The following DENND5B variants were observed in gnomAD, a reference collection of about 807,000 sequenced individuals.
DENND5B encodes the protein DENN domain containing 5B.
In DENND5B, 34 loss-of-function variants were observed where a neutral mutation model predicts 140.6. That is an observed-to-expected ratio of 0.24 (90% confidence interval 0.18 to 0.32). DENND5B has a LOEUF of 0.32. Ranked by LOEUF, DENND5B falls within the 10% of genes least tolerant of loss-of-function variation. The pLI, the probability that DENND5B is intolerant of heterozygous loss-of-function variation, is 1.00. For missense variants in DENND5B, 1,142 were observed against 1,560.2 expected (o/e 0.73, Z 4.52); for synonymous variants, 551 against 562.1 (o/e 0.98, Z 0.28).
rs1593040235 is a variant in DENND5B, at chr12:31,392,769, T to C, written c.3257-73A>G. The C allele has an allele frequency of 2.3e-5, 31 of 1,377,482 alleles. No homozygotes were observed. The East Asian group carries it at 7.8e-4, about 35-fold the overall frequency. 85.3% of individuals were successfully genotyped at this position (1,377,482 alleles called of 1,614,324 possible). ...CCAAAGTACTATGGGACATCAACTG[T>C]GTCCACCTAGGCAGGAAATACGTCA... is the stretch of plus-strand genomic sequence containing the variant. On this transcript the variant is annotated intron_variant, in intron 17 of 20. Transcript: ENST00000389082.
chr12:31,590,512 A>G, intron 1 of DENND5B, 194 bp downstream of exon 1: 1 of 659,328 alleles, frequency 1.5e-6, no homozygotes, highest in Non-Finnish European at 2.2e-6. Context: ...CGGTGGGCGC[A>G]GCCGCAAAGC....
At chr12:31,504,684 G>C (rs536733920) in intron 1 of DENND5B, among the ~76,000 whole-genome samples, 105 of 152,220 alleles carry the variant, frequency 6.9e-4, no homozygotes, top group Non-Finnish European at 1.3e-3. Context: ...TGTGACCAGA[G>C]ACTTTCTCCA....
chr12:31,449,730 A>ATTTTTTTTTTTTT (rs1565589504), intron 5 of DENND5B, among the ~76,000 whole-genome samples: 1 of 24,402 alleles, frequency 4.1e-5, no homozygotes, highest in Non-Finnish European at 1.4e-4. Context: ...TACACAGATT[A>ATTTTTTTTTTTTT]GTTTTTTTTT....
chr12:31,585,337 A>G (rs996351273), intron 1 of DENND5B, among the ~76,000 whole-genome samples: 1 of 152,216 alleles, frequency 6.6e-6, no homozygotes, highest in Non-Finnish European at 1.5e-5. Context: ...ATTGTGAGCC[A>G]AGGATGTCAA....
intron 3 of DENND5B, among the ~76,000 whole-genome samples, chr12:31,462,890 C>T (rs1261209458): frequency 2.0e-5 from 3 of 151,918 alleles, no homozygotes; most frequent in East Asian, 1.9e-4. Context: ...ACCCAGGAGG[C>T]GGAGGTTGCA....
At chr12:31,442,558 T>G (rs1473638226) in intron 7 of DENND5B, among the ~76,000 whole-genome samples, 1 of 151,832 alleles carries the variant, frequency 6.6e-6, no homozygotes, top group Non-Finnish European at 1.5e-5. Context: ...GAAAAAAAAA[T>G]CTCTAGCCTT....
chr12:31,476,631 T>A (rs1262448001), intron 3 of DENND5B, among the ~76,000 whole-genome samples: 1 of 152,120 alleles, frequency 6.6e-6, no homozygotes, highest in East Asian at 1.9e-4. Context: ...ACCAATACTC[T>A]AAACCAGGCA....
chr12:31,449,663 G>A (rs552835980), intron 5 of DENND5B, among the ~76,000 whole-genome samples: 14 of 151,282 alleles, frequency 9.3e-5, no homozygotes, highest in Middle Eastern at 7.0e-3. Flanking sequence ...AAGGAAGGAA[G>A]TATCAGGGCT....
In DENND5B at chr12:31,471,498, G is replaced by A. The variant is rs138383672; in HGVS notation, c.904+8091C>T. Among the ~76,000 whole-genome samples, 600 of 111,222 alleles carry A rather than the reference G, an allele frequency of 5.4e-3. 5 individuals carry two copies. Among genetic ancestry groups the A allele is most frequent in the African/African-American group, 0.02 (542 of 27,696 alleles). 73.0% of individuals were successfully genotyped at this position (111,222 alleles called of 152,430 possible). ...TTTTTTTTTGTAGAGACAGGGTTTC[G>A]TGATGTTGGCCAGGCTGGTCTCACA... On this transcript the variant is annotated intron_variant, in intron 3 of 20. Coordinates refer to ENST00000389082, the MANE Select transcript of DENND5B (RefSeq NM_144973.4).
chr12:31,569,122 A>AGTG (rs1230508488), intron 1 of DENND5B, among the ~76,000 whole-genome samples: 1 of 139,964 alleles, frequency 7.1e-6, no homozygotes, highest in African/African-American at 2.8e-5. Context: ...GCTGGAGTAC[A>AGTG]GTGGTGAAAT....
chr12:31,538,827 C>A (rs1592005900), intron 1 of DENND5B, among the ~76,000 whole-genome samples: 1 of 152,160 alleles, frequency 6.6e-6, no homozygotes. Flanking sequence ...CGAGATTGTG[C>A]CACTGCACTC....
chr12:31,407,424 C>T (rs1043068611), intron 14 of DENND5B, among the ~76,000 whole-genome samples: 8 of 152,112 alleles, frequency 5.3e-5, no homozygotes, highest in Admixed American at 2.6e-4. Flanking sequence ...CCACCGCGCC[C>T]GGCCCAATTT....
At chr12:31,578,842 T>C (rs1376825013) in intron 1 of DENND5B, among the ~76,000 whole-genome samples, 1 of 152,202 alleles carries the variant, frequency 6.6e-6, no homozygotes, top group East Asian at 1.9e-4. Context: ...AGCTATGGCC[T>C]TTCCTGTCTT....
chr12:31,590,521 G>T, intron 1 of DENND5B, 185 bp downstream of exon 1: 2 of 721,680 alleles, frequency 2.8e-6, no homozygotes, highest in Non-Finnish European at 4.0e-6. Context: ...CAGCCGCAAA[G>T]CCCGCACGCG....
intron 3 of DENND5B, among the ~76,000 whole-genome samples, chr12:31,469,335 A>G: frequency 8.1e-6 from 1 of 124,132 alleles, no homozygotes; most frequent in Non-Finnish European, 1.7e-5. Context: ...TCCATCTCAA[A>G]AAAAAAAAAA....
intron 1 of DENND5B, among the ~76,000 whole-genome samples, chr12:31,533,690 T>A (rs569385145): frequency 1.3e-5 from 2 of 152,288 alleles, no homozygotes; most frequent in Admixed American, 1.3e-4. Flanking sequence ...AATGTAGTTG[T>A]ATGCATGTCT....
chr12:31,489,616 A>T (rs894922230), intron 2 of DENND5B, among the ~76,000 whole-genome samples: 1 of 152,232 alleles, frequency 6.6e-6, no homozygotes, highest in Non-Finnish European at 1.5e-5. Context: ...AACATCTACT[A>T]TGCGCAAAGC....
At chr12:31,566,825 A>G (rs1384555077) in intron 1 of DENND5B, among the ~76,000 whole-genome samples, 2 of 152,222 alleles carry the variant, frequency 1.3e-5, no homozygotes, top group African/African-American at 4.8e-5. Flanking sequence ...AGATTCTTCT[A>G]TACAGCTAAT....
intron 1 of DENND5B, among the ~76,000 whole-genome samples, chr12:31,568,621 C>A (rs1949711287): frequency 6.6e-6 from 1 of 152,168 alleles, no homozygotes; most frequent in South Asian, 2.1e-4. Context: ...AAACTCTTAA[C>A]TTCTGCTGCC....
Sources: gnomAD v4.1 joint callset for allele counts (sites outside exome capture counted in the v4.1 genomes callset) on GRCh38, gnomAD v4.1.1 for gene constraint, MANE v1.5 for transcripts, NCBI Gene and HGNC (gene_info 2026-07-23, HGNC 2026-07-21) for gene names.